Variants in PHF21A observed in about 807,000 individuals in gnomAD.
PHF21A encodes the protein PHD finger protein 21A, also known as BHC80a.
A neutral mutation model predicts 82.5 loss-of-function variants in PHF21A; 11 were observed. That is an observed-to-expected ratio of 0.13 (90% CI 0.08 to 0.22). The LOEUF is 0.22. Ranked by LOEUF, PHF21A falls within the 10% of genes least tolerant of loss-of-function variation. The pLI, the probability that PHF21A is intolerant of heterozygous loss-of-function variation, is 1.00. For missense variants in PHF21A, 579 were observed against 837.8 expected (o/e 0.69, Z 3.81); for synonymous variants, 297 against 302.8 (o/e 0.98, Z 0.20).
intron 6 of PHF21A, among the ~76,000 whole-genome samples, chr11:46,076,499 T>C (rs892238575): frequency 4.6e-5 from 7 of 152,188 alleles, no homozygotes; most frequent in Non-Finnish European, 7.3e-5. Context: ...AGAGTTTAAT[T>C]AACACAGTTA....
chr11:45,969,745 A>G (rs2093647357), intron 9 of PHF21A, 70 bp downstream of exon 9: 1 of 1,014,908 alleles, frequency 9.9e-7, no homozygotes, highest in South Asian at 1.3e-5. Flanking sequence ...ATTACAGGCT[A>G]CTTAGAAAGA....
chr11:46,084,091 A>C, intron 4 of PHF21A, 75 bp downstream of exon 4: 2 of 1,071,986 alleles, frequency 1.9e-6, no homozygotes, highest in Non-Finnish European at 2.8e-6. Flanking sequence ...TATACTAAAC[A>C]CCAGAGATGG....
chr11:46,065,277 G>C (rs1472009273), intron 6 of PHF21A, among the ~76,000 whole-genome samples: 2 of 152,204 alleles, frequency 1.3e-5, no homozygotes, highest in Non-Finnish European at 1.5e-5. Context: ...GAGATGCAAA[G>C]TCTGTTGAAA....
intron 1 of PHF21A, among the ~76,000 whole-genome samples, chr11:46,104,570 C>G (rs2097133703): frequency 1.3e-5 from 2 of 152,290 alleles, no homozygotes; most frequent in South Asian, 4.1e-4. Context: ...CATCTATACT[C>G]TTTCTCACCA....
chr11:46,062,052 A>G (rs2096541097), intron 6 of PHF21A, among the ~76,000 whole-genome samples: 1 of 150,658 alleles, frequency 6.6e-6, no homozygotes, highest in South Asian at 2.1e-4. Context: ...GTCTGATGAC[A>G]TCTGATTCCC....
At chr11:46,103,402 T>C (rs1049696376) in intron 1 of PHF21A, among the ~76,000 whole-genome samples, 4 of 152,218 alleles carry the variant, frequency 2.6e-5, no homozygotes, top group Non-Finnish European at 5.9e-5. Flanking sequence ...TACAATTATT[T>C]AATTGAAAGA....
At chr11:45,994,929 GATA>G (rs1028414980) in intron 6 of PHF21A, among the ~76,000 whole-genome samples, 1 of 152,128 alleles carries the variant, frequency 6.6e-6, no homozygotes, top group African/African-American at 2.4e-5. Context: ...AAATATTTCT[GATA>G]ATATTTTCAA....
chr11:45,936,011 C>T (rs2088913439), intron 17 of PHF21A, among the ~76,000 whole-genome samples: 1 of 152,168 alleles, frequency 6.6e-6, no homozygotes, highest in Admixed American at 6.5e-5. Flanking sequence ...GGCATGATGG[C>T]TCATGCCTGT....
intron 6 of PHF21A, among the ~76,000 whole-genome samples, chr11:45,992,890 G>A (rs2094765659): frequency 6.6e-6 from 1 of 152,156 alleles, no homozygotes. Flanking sequence ...CTGACACAAG[G>A]ATAAACTGAA....
chr11:45,943,392 C>T (rs2090738901), intron 15 of PHF21A, among the ~76,000 whole-genome samples: 1 of 152,064 alleles, frequency 6.6e-6, no homozygotes, highest in South Asian at 2.1e-4. Context: ...GTTGTCCAGG[C>T]TGGTCTTGAA....
At chr11:46,042,084 T>TTGGAAGTTGAATA (rs1165373882) in intron 6 of PHF21A, among the ~76,000 whole-genome samples, 1 of 152,162 alleles carries the variant, frequency 6.6e-6, no homozygotes, top group Non-Finnish European at 1.5e-5. Context: ...AACCATTGTC[T>TTGGAAGTTGAATA]ATAGGAAGTT....
At chr11:45,972,730 A>G (rs373761230) in intron 7 of PHF21A, among the ~76,000 whole-genome samples, 14 of 152,332 alleles carry the variant, frequency 9.2e-5, no homozygotes, top group African/African-American at 3.1e-4. Flanking sequence ...CCTGGCCAAC[A>G]TGGTGAAACC....
chr11:46,103,615 T>C (rs940191609), intron 1 of PHF21A, among the ~76,000 whole-genome samples: 1 of 152,194 alleles, frequency 6.6e-6, no homozygotes, highest in African/African-American at 2.4e-5. Flanking sequence ...TATCAAATGG[T>C]ACAGCTGGGT....
intron 6 of PHF21A, among the ~76,000 whole-genome samples, chr11:46,020,795 C>G (rs1268433620): frequency 6.6e-6 from 1 of 152,130 alleles, no homozygotes; most frequent in Non-Finnish European, 1.5e-5. Flanking sequence ...CTAAGCATTT[C>G]AAATACAGAC....
intron 1 of PHF21A, among the ~76,000 whole-genome samples, chr11:46,094,546 G>C (rs1204689402): frequency 6.6e-6 from 1 of 152,088 alleles, no homozygotes; most frequent in Non-Finnish European, 1.5e-5. Flanking sequence ...AAATATTTTT[G>C]GAAAAGTCTG....
rs1416255842 is a variant in PHF21A, at chr11:45,969,905, CTAAAAAATGAGGAAGA to C, written c.613-17_613-2del. 6.2e-7 allele frequency: 1 copy of C among 1,606,204 alleles called. No individual in the cohort carries two copies. The highest frequency in any genetic ancestry group is 2.2e-5 in the East Asian group (1 of 44,820). On this transcript the variant is annotated splice_acceptor_variant and splice_polypyrimidine_tract_variant and intron_variant, in intron 8 of 18. Coordinates refer to ENST00000676320, the MANE Select transcript of PHF21A (RefSeq NM_001352027.3). LOFTEE classifies it high-confidence loss of function. ...GCTGAGGAGGTGTTGCCTGAACCTG[CTAAAAAATGAGGAAGA>C]TAAATAAACCAGAGAGAACAATTAC...
chr11:46,074,010 T>C (rs2096689081), intron 6 of PHF21A, among the ~76,000 whole-genome samples: 1 of 152,072 alleles, frequency 6.6e-6, no homozygotes, highest in African/African-American at 2.4e-5. Flanking sequence ...TACGATTACA[T>C]AGTTTTAAGG....
At chr11:46,017,620 C>A (rs1455943921) in intron 6 of PHF21A, among the ~76,000 whole-genome samples, 1 of 151,200 alleles carries the variant, frequency 6.6e-6, no homozygotes, top group Non-Finnish European at 1.5e-5. Flanking sequence ...CTCAAAAAAA[C>A]CAAACTGGAA....
intron 10 of PHF21A, among the ~76,000 whole-genome samples, chr11:45,955,601 TA>T (rs1392794955): frequency 6.6e-6 from 1 of 152,154 alleles, no homozygotes; most frequent in African/African-American, 2.4e-5. Context: ...TCCTTTCCAC[TA>T]AAAAATTACC....
Sources: allele counts gnomAD v4.1 joint callset (sites outside exome capture counted in the v4.1 genomes callset), GRCh38; gene constraint gnomAD v4.1.1; transcripts MANE v1.5; gene names NCBI Gene and HGNC (gene_info 2026-07-23, HGNC 2026-07-21).